The following GRAMD2B variants were observed in gnomAD, a reference collection of about 807,000 sequenced individuals.
GRAMD2B encodes GRAM domain containing 2B, also known as GRAM domain-containing protein 2B.
GRAMD2B carries 41 observed loss-of-function variants against 59.2 expected under a neutral mutation model. The observed-to-expected ratio is 0.69, with a 90% CI of 0.54 to 0.90. GRAMD2B has a LOEUF of 0.90. Among genes scored for constraint, GRAMD2B ranks in the 40% least tolerant of loss-of-function variants. The pLI is 0.00. For synonymous variants in GRAMD2B, 161 were observed against 182.7 expected, an observed-to-expected ratio of 0.88 and a Z score of 0.96; for missense variants, 424 against 500.5, an observed-to-expected ratio of 0.85 and a Z score of 1.46.
At chr5:126,360,346 G>T in exon 1 of GRAMD2B, 1 of 1,551,296 alleles carries the variant, frequency 6.4e-7, no homozygotes, top group East Asian at 2.4e-5. Context: ...CAAGGAGACA[G>T]CAAGTCCTAC....
intron 1 of GRAMD2B, among the ~76,000 whole-genome samples, chr5:126,404,217 G>A (rs1428596792): frequency 6.6e-6 from 1 of 151,834 alleles, no homozygotes; most frequent in African/African-American, 2.4e-5. Context: ...AACCCTTTTT[G>A]TGATTGTAAT....
chr5:126,414,393 A>G (rs1014662049), intron 1 of GRAMD2B, among the ~76,000 whole-genome samples: 2 of 152,176 alleles, frequency 1.3e-5, no homozygotes, highest in African/African-American at 4.8e-5. Flanking sequence ...ACTAAAAATA[A>G]AAACTAAATT....
At chr5:126,375,606 G>A (rs1275487300) in intron 1 of GRAMD2B, among the ~76,000 whole-genome samples, 9 of 151,974 alleles carry the variant, frequency 5.9e-5, no homozygotes, top group Non-Finnish European at 7.4e-5. Flanking sequence ...TCCTGACCTC[G>A]TGATCCACCC....
chr5:126,395,423 T>C (rs890701490), intron 1 of GRAMD2B, among the ~76,000 whole-genome samples: 3 of 152,148 alleles, frequency 2.0e-5, no homozygotes, highest in Non-Finnish European at 2.9e-5. Flanking sequence ...AAAGCCCTCA[T>C]AGTTTGCCTG....
intron 1 of GRAMD2B, among the ~76,000 whole-genome samples, chr5:126,449,881 G>A (rs1472037109): frequency 6.6e-6 from 1 of 152,128 alleles, no homozygotes; most frequent in Non-Finnish European, 1.5e-5. Flanking sequence ...ATATGTGTGT[G>A]GCTCTGCACT....
At chr5:126,453,557 C>A (rs993548187) in intron 1 of GRAMD2B, among the ~76,000 whole-genome samples, 10 of 152,156 alleles carry the variant, frequency 6.6e-5, no homozygotes, top group African/African-American at 2.4e-4. Context: ...TCTTCCTTGG[C>A]TGGAAACTAG....
chr5:126,440,166 A>G (rs2149827871), intron 1 of GRAMD2B, among the ~76,000 whole-genome samples: 1 of 152,368 alleles, frequency 6.6e-6, no homozygotes, highest in African/African-American at 2.4e-5. Context: ...ATCAAAAAAT[A>G]TAAAATACCC....
intron 1 of GRAMD2B, among the ~76,000 whole-genome samples, chr5:126,432,694 C>A (rs1761772206): frequency 6.6e-6 from 1 of 152,170 alleles, no homozygotes. Flanking sequence ...GAATATATTT[C>A]TTTTCCTCCC....
intron 1 of GRAMD2B, among the ~76,000 whole-genome samples, chr5:126,379,377 T>C (rs1031059527): frequency 2.0e-5 from 3 of 152,230 alleles, no homozygotes; most frequent in African/African-American, 7.2e-5. Context: ...TATATGCAAG[T>C]ATCTTTTTCA....
chr5:126,400,984 A>T (rs1186872283), intron 1 of GRAMD2B, among the ~76,000 whole-genome samples: 1 of 152,038 alleles, frequency 6.6e-6, no homozygotes, highest in Admixed American at 6.6e-5. Context: ...ATCCCTCCCC[A>T]AGATTTGGGA....
At chr5:126,379,616 G>A (rs1381959064) in intron 1 of GRAMD2B, among the ~76,000 whole-genome samples, 1 of 152,050 alleles carries the variant, frequency 6.6e-6, no homozygotes, top group African/African-American at 2.4e-5. Flanking sequence ...GAGTAAGGTG[G>A]TATCGCATTG....
At chr5:126,486,805 G>A in intron 11 of GRAMD2B, 68 bp from the exon 12 acceptor site, 1 of 932,238 alleles carries the variant, frequency 1.1e-6, no homozygotes, top group Non-Finnish European at 1.7e-6. Context: ...CATTGGCACT[G>A]AGTTGTTTTA....
intron 1 of GRAMD2B, among the ~76,000 whole-genome samples, chr5:126,363,684 A>G (rs1284846707): frequency 3.3e-5 from 5 of 152,238 alleles, no homozygotes; most frequent in African/African-American, 1.2e-4. Flanking sequence ...GATCACAGAT[A>G]GTATGATCCC....
intron 1 of GRAMD2B, among the ~76,000 whole-genome samples, chr5:126,430,859 A>C (rs1308715809): frequency 6.6e-6 from 1 of 152,144 alleles, no homozygotes; most frequent in Non-Finnish European, 1.5e-5. Flanking sequence ...CACAACATCA[A>C]AGATAACTCA....
At chr5:126,446,728 A>C (rs1764316061) in intron 1 of GRAMD2B, among the ~76,000 whole-genome samples, 1 of 151,994 alleles carries the variant, frequency 6.6e-6, no homozygotes, top group South Asian at 2.1e-4. Flanking sequence ...GGAGGCGAGG[A>C]AACTGGGGCC....
upstream of GRAMD2B, among the ~76,000 whole-genome samples, chr5:126,370,496 C>T (rs1754693041): frequency 6.6e-6 from 1 of 152,168 alleles, no homozygotes; most frequent in African/African-American, 2.4e-5. Context: ...GTGCTAGTAA[C>T]GAGGGTGGAG....
chr5:126,440,560 A>G (rs1480644635), intron 1 of GRAMD2B, among the ~76,000 whole-genome samples: 7 of 152,214 alleles, frequency 4.6e-5, no homozygotes, highest in Admixed American at 3.9e-4. Context: ...AGAGCTGGAA[A>G]TCTACTCCAT....
chr5:126,394,624 A>G (rs1423947316), intron 1 of GRAMD2B, among the ~76,000 whole-genome samples: 1 of 152,198 alleles, frequency 6.6e-6, no homozygotes, highest in Non-Finnish European at 1.5e-5. Context: ...AATATTCTGC[A>G]TTCCATCCAA....
chr5:126,431,667 G>C (rs1761587122), intron 1 of GRAMD2B, among the ~76,000 whole-genome samples: 1 of 152,188 alleles, frequency 6.6e-6, no homozygotes, highest in South Asian at 2.1e-4. Context: ...GGTAAGAGAA[G>C]TGGAAATGTG....
Sources: gnomAD v4.1 joint callset for allele counts (sites outside exome capture counted in the v4.1 genomes callset) on GRCh38, gnomAD v4.1.1 for gene constraint, MANE v1.5 for transcripts, NCBI Gene and HGNC (gene_info 2026-07-23, HGNC 2026-07-21) for gene names.